The following LARP4B variants were observed in gnomAD, a reference collection of about 807,000 sequenced individuals.
LARP4B encodes la-related protein 4B.
LARP4B carries 12 observed loss-of-function variants against 89.8 expected under a neutral mutation model. The ratio of observed to expected loss-of-function variants is 0.13; its 90% CI spans 0.09 to 0.22. LARP4B has a LOEUF of 0.22. LARP4B is among the 10% of genes least tolerant of loss of function. The pLI is 1.00. For synonymous variants in LARP4B, 367 were observed against 363.3 expected, an observed-to-expected ratio of 1.01 and a Z score of -0.12; for missense variants, 757 against 947.7, an observed-to-expected ratio of 0.80 and a Z score of 2.64.
chr10:814,747 C>T lies in LARP4B; in HGVS notation c.1924G>A (p.Ala642Thr), dbSNP rs200550169. Residue 642 changes from alanine to threonine, a missense_variant, in exon 17 of 18, where the codon GCC becomes ACC. Coordinates refer to ENST00000316157, the MANE Select transcript of LARP4B (RefSeq NM_015155.3). This position sits in a 1 kb window ranked among gnomAD's most constrained non-coding sequence, Gnocchi z 4.4. ...GGCAGGCACGAGGTACGTACCGTGG[C>T]GGCTCCGTTCACCTGCACCGATTTA... ...ACKSVQVNGA[A>T]TELRKPSYAE... The T allele has an allele frequency of 5.3e-5, 84 of 1,590,218 alleles. No homozygotes were observed. In the African/African-American group the frequency reaches 5.9e-4, roughly 11 times the overall value.
intron 3 of LARP4B, among the ~76,000 whole-genome samples, chr10:878,555 C>T (rs948579134): frequency 6.6e-6 from 1 of 152,190 alleles, no homozygotes; most frequent in African/African-American, 2.4e-5. Flanking sequence ...ATTGCTGTTT[C>T]AGGATCTGGC....
chr10:976,104 A>G, the LARP4B span, among the ~76,000 whole-genome samples: 7 of 118,190 alleles, frequency 5.9e-5, no homozygotes, highest in East Asian at 2.7e-4. Flanking sequence ...GTAGAATGTA[A>G]GCCTGTCGTG....
intron 14 of LARP4B, chr10:819,394 T>C (rs2131612301): frequency 6.6e-6 from 1 of 152,328 alleles, no homozygotes; most frequent in South Asian, 2.1e-4. Context: ...TGAGCACCTC[T>C]GGGTGAGGTC....
chr10:831,728 C>T (rs1265407122), intron 8 of LARP4B, among the ~76,000 whole-genome samples: 1 of 152,230 alleles, frequency 6.6e-6, no homozygotes, highest in Non-Finnish European at 1.5e-5. Context: ...AGAGAAAAGG[C>T]TGCTCTGATT....
At chr10:952,541 G>C in the LARP4B span, among the ~76,000 whole-genome samples, 48 of 103,310 alleles carry the variant, frequency 4.6e-4, no homozygotes, top group South Asian at 7.9e-4. Flanking sequence ...CACCAGCCCA[G>C]AACCAACTGC....
At chr10:871,466 C>G (rs1835194009) in intron 3 of LARP4B, among the ~76,000 whole-genome samples, 1 of 152,008 alleles carries the variant, frequency 6.6e-6, no homozygotes, top group Non-Finnish European at 1.5e-5. Context: ...TGCTTGACAC[C>G]AAGATTTTGA....
chr10:897,008 T>G (rs1836207541), intron 1 of LARP4B, among the ~76,000 whole-genome samples: 3 of 136,324 alleles, frequency 2.2e-5, no homozygotes, highest in Admixed American at 7.3e-5. Flanking sequence ...TTTTTTTTTT[T>G]GGCAGAAATT....
rs186866998 is a variant in LARP4B, at chr10:863,659, T to G, written c.430+84A>C. ...AGCAGGCAAAGAAAGACCCATTGTG[T>G]AGAGAATGTTAATACTCTAAATAAA... On this transcript the variant is annotated intron_variant, in intron 5 of 17. Coordinates refer to ENST00000316157, the MANE Select transcript of LARP4B (RefSeq NM_015155.3). 2.4e-5 allele frequency: 33 copies of G among 1,378,284 alleles called. No homozygotes were observed. The African/African-American group carries it at 4.3e-4, about 18-fold the overall frequency. The allele number at this position is 1,378,284 out of a possible 1,614,324, so 85.4% of individuals were successfully genotyped here. A position where few individuals can be genotyped will look rare whatever the true frequency, so the allele number is the denominator to read the frequency against.
intron 2 of LARP4B, 30 bp from the exon 3 acceptor site, chr10:884,536 G>A (rs747054245): frequency 2.8e-6 from 4 of 1,432,208 alleles, no homozygotes; most frequent in East Asian, 4.6e-5. Context: ...GACAACATCA[G>A]TACAATGTTT....
At chr10:889,473 G>A (rs767252761) in intron 1 of LARP4B, among the ~76,000 whole-genome samples, 3 of 152,166 alleles carry the variant, frequency 2.0e-5, no homozygotes, top group African/African-American at 4.8e-5. Flanking sequence ...TGGAATACCC[G>A]TAAGAAAACA....
At chr10:930,232 C>T (rs1312008264) in intron 1 of LARP4B, among the ~76,000 whole-genome samples, 2 of 152,128 alleles carry the variant, frequency 1.3e-5, no homozygotes. Context: ...AAAAAACTTT[C>T]GAAAGGGAAA....
At chr10:949,615 ACT>A in the LARP4B span, among the ~76,000 whole-genome samples, 166 of 152,062 alleles carry the variant, frequency 1.1e-3, no homozygotes, top group Middle Eastern at 6.8e-3. Context: ...CCGCTGCATC[ACT>A]CTGTTATTTT....
chr10:932,794 C>T (rs982215852), upstream of LARP4B, among the ~76,000 whole-genome samples: 1 of 150,536 alleles, frequency 6.6e-6, no homozygotes, highest in Non-Finnish European at 1.5e-5. Context: ...GGGACCAAGG[C>T]CCCGGCACTG....
At chr10:839,983 G>A (rs951318032) in intron 7 of LARP4B, among the ~76,000 whole-genome samples, 4 of 151,892 alleles carry the variant, frequency 2.6e-5, no homozygotes, top group African/African-American at 9.7e-5. Context: ...TACTAATCCA[G>A]TAAACAACAA....
chr10:832,257 A>G (rs1010878862), intron 8 of LARP4B, among the ~76,000 whole-genome samples: 1 of 152,210 alleles, frequency 6.6e-6, no homozygotes, highest in African/African-American at 2.4e-5. Flanking sequence ...GTTAGCCAGG[A>G]TGGTCTCGAT....
At position 907,480 on chromosome 10, in the gene LARP4B, G is replaced by C. The variant is rs569160627; in HGVS notation, c.-39-21720C>G. Among the ~76,000 whole-genome samples the C allele has an allele frequency of 3.3e-5, 5 of 152,284 alleles. No homozygotes were observed. The South Asian group carries it at 6.2e-4, about 19-fold the overall frequency. ...TATGCATACATGCATGTCCGTTTAA[G>C]TGTGCACCTGGGATCTAAACATACA... On this transcript the variant is annotated intron_variant, in intron 1 of 17. Transcript: ENST00000316157.
chr10:812,800 CT>C lies in LARP4B; in HGVS notation c.*125del. On this transcript the variant is annotated 3_prime_UTR_variant, in exon 18 of 18. Transcript: ENST00000316157. ...AATCCAACTCACAGAAGAAAACCAA[CT>C]TGAGGATCCCACAGGCCTCAGACAC... 1 of 833,358 alleles carries C rather than the reference CT, an allele frequency of 1.2e-6. No homozygotes were observed. The highest frequency in any genetic ancestry group is 1.7e-6 in the Non-Finnish European group (1 of 601,162). The allele number at this position is 833,358 out of a possible 1,614,324, so 51.6% of individuals were successfully genotyped here.
At chr10:841,751 C>T (rs902678829) in intron 7 of LARP4B, among the ~76,000 whole-genome samples, 13 of 152,136 alleles carry the variant, frequency 8.5e-5, no homozygotes, top group Non-Finnish European at 1.9e-4. Context: ...GGGAGCACGG[C>T]GCCATCCTGG....
At chr10:907,872 C>T (rs1024753433) in intron 1 of LARP4B, among the ~76,000 whole-genome samples, 1 of 152,184 alleles carries the variant, frequency 6.6e-6, no homozygotes, top group Admixed American at 6.5e-5. Context: ...TCATCAATGG[C>T]CAATGATTTC....
Sources: gnomAD v4.1 joint callset for allele counts (sites outside exome capture counted in the v4.1 genomes callset) on GRCh38, gnomAD v4.1.1 for gene constraint, Gnocchi (gnomAD v3.1) non-coding constraint, MANE v1.5 for transcripts, NCBI Gene and HGNC (gene_info 2026-07-23, HGNC 2026-07-21) for gene names.